IL18R1: variants seen among roughly 807,000 people sequenced by gnomAD.
The protein encoded by IL18R1 is interleukin-18 receptor 1.
A neutral mutation model predicts 48.5 loss-of-function variants in IL18R1; 40 were observed. That is an observed-to-expected ratio of 0.82 (90% CI 0.64 to 1.07). The LOEUF is 1.07. Among genes scored for constraint, IL18R1 ranks in the 50% least tolerant of loss-of-function variants. The probability of loss-of-function intolerance (pLI) is 0.00; values close to 1 mark genes in which losing one functional copy is unlikely to be tolerated. For missense variants in IL18R1, 596 were observed against 633.7 expected (o/e 0.94, Z 0.64); for synonymous variants, 232 against 225.9 (o/e 1.03, Z -0.24).
intron 3 of IL18R1, 141 bp downstream of exon 3, chr2:102,368,209 C>G: frequency 1.0e-6 from 1 of 955,664 alleles, no homozygotes; most frequent in Admixed American, 2.3e-5. Context: ...GAAATACATT[C>G]TTTGTTATGG....
chr2:102,379,302 G>T (rs1439347077), intron 5 of IL18R1, among the ~76,000 whole-genome samples: 2 of 152,034 alleles, frequency 1.3e-5, no homozygotes, highest in Non-Finnish European at 2.9e-5. Flanking sequence ...AAATTAGCTG[G>T]GCTTGGTGGT....
intron 1 of IL18R1, 146 bp from the exon 2 acceptor site, chr2:102,362,487 A>G: frequency 2.4e-6 from 1 of 415,726 alleles, no homozygotes; most frequent in East Asian, 3.6e-5. Context: ...GAAAGTTCTG[A>G]GAATTGGTTA....
chr2:102,369,160 G>A (rs1168378928), intron 3 of IL18R1, among the ~76,000 whole-genome samples: 1 of 142,798 alleles, frequency 7.0e-6, no homozygotes, highest in African/African-American at 2.7e-5. Flanking sequence ...CACAAATGGG[G>A]TAAAGGAAAA....
intron 1 of IL18R1, among the ~76,000 whole-genome samples, chr2:102,358,651 T>C (rs1165426403): frequency 1.3e-5 from 2 of 152,204 alleles, no homozygotes; most frequent in South Asian, 2.1e-4. Context: ...TAGAGTCACC[T>C]GCGGAGTTCT....
intron 5 of IL18R1, among the ~76,000 whole-genome samples, chr2:102,376,938 C>T (rs1324318814): frequency 6.6e-6 from 1 of 152,150 alleles, no homozygotes; most frequent in African/African-American, 2.4e-5. Flanking sequence ...CTCGTAGCTT[C>T]CAACCACTGA....
rs148217692 is a variant in IL18R1, at chr2:102,370,707, G to C, written c.303-1246G>C. ...ATCTTGTAGCAAGTGTGTGGCCTGAGTGAGTTGTTTAACCTGTCTGAGATT... is the reference window on the plus strand; with the variant it reads ...ATCTTGTAGCAAGTGTGTGGCCTGACTGAGTTGTTTAACCTGTCTGAGATT... On this transcript the variant is annotated intron_variant, in intron 3 of 10. Coordinates refer to ENST00000233957, the MANE Select transcript of IL18R1 (RefSeq NM_003855.5). Among the ~76,000 whole-genome samples the C allele has an allele frequency of 3.9e-5, 6 of 152,364 alleles. No homozygotes were observed. In the East Asian group the frequency reaches 1.2e-3, roughly 29 times the overall value.
chr2:102,397,192 G>A lies in IL18R1; in HGVS notation c.*306G>A, dbSNP rs1049558439. 1.1e-5 allele frequency: 3 copies of A among 268,766 alleles called. No homozygotes were observed. The highest frequency in any genetic ancestry group is 1.4e-5 in the Non-Finnish European group (2 of 144,446). 16.6% of individuals were successfully genotyped at this position (268,766 alleles called of 1,614,324 possible). A position where few individuals can be genotyped will look rare whatever the true frequency, so the allele number is the denominator to read the frequency against. On this transcript the variant is annotated 3_prime_UTR_variant, in exon 11 of 11. Coordinates refer to ENST00000233957, the MANE Select transcript of IL18R1 (RefSeq NM_003855.5). ...ATATTCAGCAAGTGTGAAGCTGGACGTGATGCAAAATAACCGATGCCCTAC... is the reference window on the plus strand; with the variant it reads ...ATATTCAGCAAGTGTGAAGCTGGACATGATGCAAAATAACCGATGCCCTAC...
chr2:102,388,612 G>A (rs183838720), intron 8 of IL18R1, among the ~76,000 whole-genome samples: 105 of 152,284 alleles, frequency 6.9e-4, no homozygotes, highest in Non-Finnish European at 1.2e-3. Context: ...TCCTGCCCTA[G>A]ACGCTTCTGG....
At chr2:102,366,605 A>G (rs1678913871) in intron 2 of IL18R1, among the ~76,000 whole-genome samples, 1 of 152,188 alleles carries the variant, frequency 6.6e-6, no homozygotes, top group African/African-American at 2.4e-5. Flanking sequence ...AATTTACTTT[A>G]TTAGTCCATT....
chr2:102,358,018 G>T (rs111952222), intron 1 of IL18R1, among the ~76,000 whole-genome samples: 158 of 152,026 alleles, frequency 1.0e-3, no homozygotes, highest in African/African-American at 3.3e-3. Flanking sequence ...AAAAAAACTG[G>T]TGTTATGATT....
At chr2:102,382,021 C>T (rs1475305413) in intron 6 of IL18R1, among the ~76,000 whole-genome samples, 6 of 152,056 alleles carry the variant, frequency 3.9e-5, no homozygotes, top group African/African-American at 1.5e-4. Flanking sequence ...GCCTGTAATC[C>T]CAGCACTTTG....
chr2:102,390,884 G>C (rs1463463111), intron 9 of IL18R1, among the ~76,000 whole-genome samples: 1 of 144,670 alleles, frequency 6.9e-6, no homozygotes, highest in East Asian at 2.0e-4. Context: ...GCAGTGAGTC[G>C]GGATCGCGCC....
rs773431854 is a variant in IL18R1 at position 102,390,104 on chromosome 2, T to C, written c.998T>C (p.Ile333Thr). Residue 333 changes from isoleucine to threonine, a missense_variant, in exon 9 of 11, where the codon ATA becomes ACA. By Grantham distance (89) the Ile-to-Thr change is moderately conservative (BLOSUM62 -1). This residue lies in a region of IL18R1 where 57 missense variants were observed against 88.2 expected (regional missense o/e 0.65). Coordinates refer to ENST00000233957, the MANE Select transcript of IL18R1 (RefSeq NM_003855.5). Reference protein sequence around the residue: ...PGHVFTRGMIIAVLILVAVVC... With the variant: ...PGHVFTRGMITAVLILVAVVC... ...CACGTCTTCACAAGAGGAATGATCATAGCTGTTTTGATCTTGGTGGCAGTA... is the reference window on the plus strand; with the variant it reads ...CACGTCTTCACAAGAGGAATGATCACAGCTGTTTTGATCTTGGTGGCAGTA... 6.2e-7 allele frequency: 1 copy of C among 1,614,050 alleles called. No individual in the cohort carries two copies. The highest frequency in any genetic ancestry group is 8.5e-7 in the Non-Finnish European group (1 of 1,179,886).
chr2:102,364,270 A>G (rs1290997583), intron 2 of IL18R1, among the ~76,000 whole-genome samples: 1 of 152,246 alleles, frequency 6.6e-6, no homozygotes, highest in East Asian at 1.9e-4. Context: ...TTGTTTAATA[A>G]ACCAAATCCC....
chr2:102,370,603 T>C (rs899307912), intron 3 of IL18R1, among the ~76,000 whole-genome samples: 3 of 152,222 alleles, frequency 2.0e-5, no homozygotes, highest in African/African-American at 7.2e-5. Context: ...CCAGATTCAT[T>C]GGATTGTGAA....
Position 102,396,992 on chromosome 2 carries a change from A to G in IL18R1, c.*106A>G. ...TGACTCGAAATAATTAACTTTGTCA[A>G]AATCCTGCTCACAATTTGAAGATGA... On this transcript the variant is annotated 3_prime_UTR_variant, in exon 11 of 11. Transcript: ENST00000233957. The G allele has an allele frequency of 1.5e-6, 1 of 685,274 alleles. No individual in the cohort carries two copies. The highest frequency in any genetic ancestry group is 2.4e-6 in the Non-Finnish European group (1 of 411,800). 42.4% of individuals were successfully genotyped at this position (685,274 alleles called of 1,614,324 possible).
At chr2:102,386,746 G>T (rs751027545) in intron 7 of IL18R1, 115 bp from the exon 8 acceptor site, 1 of 1,039,252 alleles carries the variant, frequency 9.6e-7, no homozygotes, top group Non-Finnish European at 1.5e-6. Flanking sequence ...TGGCCAGAAA[G>T]GGAAGAAATA....
At chr2:102,392,925 T>C (rs1434019976) in intron 9 of IL18R1, among the ~76,000 whole-genome samples, 1 of 152,164 alleles carries the variant, frequency 6.6e-6, no homozygotes, top group East Asian at 1.9e-4. Flanking sequence ...AAAACCTGAA[T>C]TTAAAATATA....
intron 4 of IL18R1, among the ~76,000 whole-genome samples, chr2:102,372,743 G>C (rs1331809658): frequency 6.6e-6 from 1 of 151,934 alleles, no homozygotes; most frequent in Non-Finnish European, 1.5e-5. Context: ...TTATGTGCCT[G>C]GTTTCATCTA....
Sources: allele counts gnomAD v4.1 joint callset (sites outside exome capture counted in the v4.1 genomes callset), GRCh38; gene constraint gnomAD v4.1.1; regional missense constraint gnomAD v4.1.1; transcripts MANE v1.5; gene names NCBI Gene and HGNC (gene_info 2026-07-23, HGNC 2026-07-21).